Variants in TMEM233 observed in about 807,000 individuals in gnomAD.
TMEM233 encodes the protein dispanin subfamily B member 2.
In TMEM233, 6 loss-of-function variants were observed where a neutral mutation model predicts 11.2. The observed-to-expected ratio is 0.54, with a 90% CI of 0.29 to 1.06. The LOEUF (loss-of-function observed/expected upper bound fraction) is 1.06. TMEM233 is among the 50% of genes least tolerant of loss of function. The pLI is 0.08. For synonymous variants in TMEM233, 59 were observed against 55.8 expected (o/e 1.06, Z -0.26); for missense variants, 127 against 144.7 (o/e 0.88, Z 0.63).
At chr12:119,612,495 T>C (rs1027505587) in intron 1 of TMEM233, among the ~76,000 whole-genome samples, 4 of 152,028 alleles carry the variant, frequency 2.6e-5, no homozygotes, top group African/African-American at 9.7e-5. Context: ...ATGCCTATAA[T>C]CCCAGGACTT....
chr12:119,629,074 A>G (rs905001413), intron 1 of TMEM233, among the ~76,000 whole-genome samples: 3 of 152,250 alleles, frequency 2.0e-5, no homozygotes, highest in Non-Finnish European at 4.4e-5. Context: ...CTTATCCAGC[A>G]TCTTCTACAT....
Position 119,595,616 on chromosome 12 carries a change from A to T in TMEM233, c.186+1582A>T, listed in dbSNP as rs987612159. On this transcript the variant is annotated intron_variant, in intron 1 of 2. Transcript: ENST00000426426. The surrounding 1 kb of genome is among the most constrained non-coding windows in gnomAD (Gnocchi z 4.3). ...GTCTCTTTGTAAAACCAGAATAATC[A>T]TAGCCATGTTTCTTGGGGTTGTTGG... Among the ~76,000 whole-genome samples, 1 of 152,286 alleles carries T rather than the reference A, an allele frequency of 6.6e-6. No individual in the cohort carries two copies. Among genetic ancestry groups the T allele is most frequent in the Admixed American group, 6.5e-5 (1 of 15,298 alleles).
chr12:119,638,267 C>G (rs1955005421), intron 2 of TMEM233, among the ~76,000 whole-genome samples: 1 of 152,066 alleles, frequency 6.6e-6, no homozygotes, highest in South Asian at 2.1e-4. Context: ...GGAGGCCAGC[C>G]TGGGAAACAT....
At chr12:119,626,552 AAGAGAAGAGAAGAGAAG>A (rs1566109461) in intron 1 of TMEM233, among the ~76,000 whole-genome samples, 19 of 106,928 alleles carry the variant, frequency 1.8e-4, no homozygotes. Flanking sequence ...AAGAGAAGAG[AAGAGAAGAGAAGAGAAG>A]AGAAGAGAAG....
At chr12:119,629,626 C>A (rs1954836685) in intron 1 of TMEM233, 110 bp from the exon 2 acceptor site, 2 of 1,176,398 alleles carry the variant, frequency 1.7e-6, no homozygotes, top group Non-Finnish European at 2.3e-6. Context: ...GTGAGATGAG[C>A]AAAGTCACCA....
intron 1 of TMEM233, among the ~76,000 whole-genome samples, chr12:119,615,834 G>A (rs192156231): frequency 7.9e-4 from 121 of 152,240 alleles, no homozygotes; most frequent in Admixed American, 1.6e-3. Context: ...TTCAGTGCCA[G>A]TTATCAAAAT....
intron 1 of TMEM233, among the ~76,000 whole-genome samples, chr12:119,600,911 G>C (rs1204107458): frequency 7.9e-6 from 1 of 126,862 alleles, no homozygotes; most frequent in Non-Finnish European, 1.8e-5. Flanking sequence ...CCATTGAACT[G>C]TATACTTAAA....
chr12:119,647,415 G>A (rs1436039405), downstream of TMEM233, among the ~76,000 whole-genome samples: 1 of 152,124 alleles, frequency 6.6e-6, no homozygotes, highest in Non-Finnish European at 1.5e-5. Context: ...TCCTTGATAG[G>A]TGAAATCAGT....
intron 1 of TMEM233, among the ~76,000 whole-genome samples, chr12:119,606,607 G>A (rs965811097): frequency 6.6e-6 from 1 of 152,108 alleles, no homozygotes; most frequent in Non-Finnish European, 1.5e-5. Context: ...CAAACAAAAT[G>A]TAAAGTTCCC....
intron 1 of TMEM233, among the ~76,000 whole-genome samples, chr12:119,613,933 G>A (rs1405991579): frequency 6.6e-6 from 1 of 151,996 alleles, no homozygotes; most frequent in Non-Finnish European, 1.5e-5. Context: ...CAAGTAGAGA[G>A]GAGATGACCT....
intron 1 of TMEM233, among the ~76,000 whole-genome samples, chr12:119,605,209 C>A (rs80175089): frequency 6.6e-6 from 1 of 151,892 alleles, no homozygotes; most frequent in South Asian, 2.1e-4. Flanking sequence ...ATACATTTGT[C>A]TTTACTTTTT....
chr12:119,603,070 C>G (rs1040824630), intron 1 of TMEM233, among the ~76,000 whole-genome samples: 1 of 151,842 alleles, frequency 6.6e-6, no homozygotes, highest in Non-Finnish European at 1.5e-5. Context: ...ACCTGGGTAA[C>G]ATGATAAAAC....
chr12:119,629,781 C>G lies in TMEM233; in HGVS notation c.232C>G (p.Leu78Val). Residue 78 changes from leucine to valine, a missense_variant, in exon 2 of 3, where the codon CTT becomes GTT. Transcript: ENST00000426426. Reference sequence around the variant, plus strand: ...TGGAGACTACGAAGGAGCCAGGCGGCTTGGGCGGAATGCTAAGTGGGTAGC... The same window carrying G: ...TGGAGACTACGAAGGAGCCAGGCGGGTTGGGCGGAATGCTAAGTGGGTAGC... ...NDGDYEGARR[L>V]GRNAKWVAIA... 1 of 1,551,694 alleles carries G rather than the reference C, an allele frequency of 6.4e-7. No homozygotes were observed. Among genetic ancestry groups the G allele is most frequent in the Non-Finnish European group, 8.7e-7 (1 of 1,146,972 alleles).
At chr12:119,614,801 AG>A (rs1954487736) in intron 1 of TMEM233, among the ~76,000 whole-genome samples, 1 of 152,166 alleles carries the variant, frequency 6.6e-6, no homozygotes, top group Non-Finnish European at 1.5e-5. Flanking sequence ...GGTTATTGTA[AG>A]GAATCAATTA....
intron 1 of TMEM233, among the ~76,000 whole-genome samples, chr12:119,626,320 A>C (rs961269798): frequency 6.6e-6 from 1 of 151,924 alleles, no homozygotes; most frequent in Non-Finnish European, 1.5e-5. Context: ...AAATACAAAA[A>C]TTTGCCACGC....
intron 1 of TMEM233, among the ~76,000 whole-genome samples, chr12:119,612,418 C>T (rs187627624): frequency 1.4e-4 from 22 of 152,192 alleles, no homozygotes; most frequent in Non-Finnish European, 2.4e-4. Flanking sequence ...AGTTCCAGAC[C>T]AGCCTGGGCA....
At chr12:119,620,382 T>C (rs554260100) in intron 1 of TMEM233, among the ~76,000 whole-genome samples, 1 of 152,368 alleles carries the variant, frequency 6.6e-6, no homozygotes, top group East Asian at 1.9e-4. Context: ...TAAATCCATA[T>C]ACCCTTTGAC....
chr12:119,595,228 G>A lies in TMEM233; in HGVS notation c.186+1194G>A, dbSNP rs1443746179. On this transcript the variant is annotated intron_variant, in intron 1 of 2. Transcript: ENST00000426426. This position sits in a 1 kb window ranked among gnomAD's most constrained non-coding sequence, Gnocchi z 4.3. ...GTGAGGTTCGTACCGGCACTGTCCCGGGACAACCCTTGCAGTTGCGCTCCC... is the reference window on the plus strand; with the variant it reads ...GTGAGGTTCGTACCGGCACTGTCCCAGGACAACCCTTGCAGTTGCGCTCCC... 6.6e-6 allele frequency among the ~76,000 whole-genome samples: 1 copy of A among 152,200 alleles called. No individual in the cohort carries two copies. Among genetic ancestry groups the A allele is most frequent in the East Asian group, 1.9e-4 (1 of 5,180 alleles).
At chr12:119,596,844 G>T (rs1224586080) in intron 1 of TMEM233, among the ~76,000 whole-genome samples, 1 of 152,164 alleles carries the variant, frequency 6.6e-6, no homozygotes, top group Non-Finnish European at 1.5e-5. Context: ...AAATGGGAAT[G>T]TGAAAGCTGT....
Sources: allele counts gnomAD v4.1 joint callset (sites outside exome capture counted in the v4.1 genomes callset), GRCh38; gene constraint gnomAD v4.1.1; non-coding constraint Gnocchi (gnomAD v3.1); transcripts MANE v1.5; gene names NCBI Gene and HGNC (gene_info 2026-07-23, HGNC 2026-07-21).